Variants in CKAP5 observed in about 807,000 individuals in gnomAD.
CKAP5 encodes cytoskeleton associated protein 5.
In CKAP5, 27 loss-of-function variants were observed where a neutral mutation model predicts 232.8. That is an observed-to-expected ratio of 0.12 (90% confidence interval 0.09 to 0.16). The LOEUF is 0.16. CKAP5 is among the 10% of genes least tolerant of loss of function. The pLI, the probability that CKAP5 is intolerant of heterozygous loss-of-function variation, is 1.00. For synonymous variants in CKAP5, 785 were observed against 841.1 expected (o/e 0.93, Z 1.16); for missense variants, 1,838 against 2,424.7 (o/e 0.76, Z 5.08).
rs377474304 is a variant in CKAP5 at position 46,796,904 on chromosome 11, C to A, written c.1375G>T (p.Ala459Ser). 1.9e-6 allele frequency: 3 copies of A among 1,613,818 alleles called. No individual in the cohort carries two copies. The highest frequency in any genetic ancestry group is 2.7e-5 in the African/African-American group (2 of 74,898). ...AAAGCAGTACCCAATGCTTCAAATGCGGCATCTCTGACTTCAGGAGCAGAA... is the reference window on the plus strand; with the variant it reads ...AAAGCAGTACCCAATGCTTCAAATGAGGCATCTCTGACTTCAGGAGCAGAA... ...NDSAPEVRDA[A>S]FEALGTALKV... The change falls in exon 12 of 44, where the codon GCA becomes TCA. Residue 459 changes from alanine (A) to serine (S), a missense_variant. Ala to Ser is a moderately conservative substitution (Grantham distance 99). Transcript: ENST00000529230.
intron 26 of CKAP5, among the ~76,000 whole-genome samples, chr11:46,768,449 T>C (rs2065222508): frequency 6.6e-6 from 1 of 152,092 alleles, no homozygotes; most frequent in Non-Finnish European, 1.5e-5. Flanking sequence ...AGTGGTGGAA[T>C]TACAGGCGTG....
Position 46,807,938 on chromosome 11 carries a change from T to G in CKAP5, c.978+93A>C. On this transcript the variant is annotated intron_variant, in intron 8 of 43. Transcript: ENST00000529230. ...AATACCATCAGTAATGTTCCTTAAG[T>G]GGCAATGTATGTGTAATTAAAAAGA... 11 of 790,752 alleles carry G rather than the reference T, an allele frequency of 1.4e-5. No individual in the cohort carries two copies. The South Asian group carries it at 2.0e-4, about 14-fold the overall frequency. 49.0% of individuals were successfully genotyped at this position (790,752 alleles called of 1,614,324 possible).
At chr11:46,822,508 G>T (rs183403973) in intron 1 of CKAP5, among the ~76,000 whole-genome samples, 4 of 151,958 alleles carry the variant, frequency 2.6e-5, no homozygotes, top group African/African-American at 9.7e-5. Context: ...AATCCCAGCA[G>T]TCTGGGAGGC....
At chr11:46,805,924 C>T (rs534950791) in intron 8 of CKAP5, among the ~76,000 whole-genome samples, 14 of 152,152 alleles carry the variant, frequency 9.2e-5, no homozygotes, top group South Asian at 6.2e-4. Context: ...GCAACAATAA[C>T]GAAACTCCAT....
chr11:46,814,355 A>C (rs1939350805), intron 4 of CKAP5, among the ~76,000 whole-genome samples: 1 of 152,180 alleles, frequency 6.6e-6, no homozygotes, highest in African/African-American at 2.4e-5. Flanking sequence ...GTAAGAATCT[A>C]AGCAAGTCAA....
At chr11:46,790,346 G>T in intron 14 of CKAP5, 124 bp downstream of exon 14, 1 of 841,646 alleles carries the variant, frequency 1.2e-6, no homozygotes, top group Non-Finnish European at 1.9e-6. Context: ...GTCCAAGGCA[G>T]TTTCAATAAG....
chr11:46,774,528 C>T (rs931787943), intron 24 of CKAP5, among the ~76,000 whole-genome samples: 3 of 152,104 alleles, frequency 2.0e-5, no homozygotes, highest in Non-Finnish European at 4.4e-5. Context: ...CCTGTATAGC[C>T]AAGACAATCC....
intron 3 of CKAP5, 52 bp downstream of exon 3, chr11:46,818,258 T>C (rs1052730303): frequency 3.6e-6 from 5 of 1,392,916 alleles, no homozygotes; most frequent in South Asian, 2.9e-5. Context: ...ACATACATTA[T>C]GTAACACCAA....
chr11:46,752,778 A>C, intron 37 of CKAP5, 68 bp from the exon 38 acceptor site: 1 of 1,220,938 alleles, frequency 8.2e-7, no homozygotes, highest in South Asian at 1.2e-5. Context: ...TCAGCAGTTG[A>C]AAGGGCAAGT....
chr11:46,803,765 A>G (rs939564537), intron 8 of CKAP5, among the ~76,000 whole-genome samples: 1 of 152,170 alleles, frequency 6.6e-6, no homozygotes, highest in Non-Finnish European at 1.5e-5. Context: ...CCTAATAAAC[A>G]TTTTGTTAAA....
intron 28 of CKAP5, 79 bp from the exon 29 acceptor site, chr11:46,763,709 C>A: frequency 1.1e-6 from 1 of 885,634 alleles, no homozygotes; most frequent in Non-Finnish European, 1.6e-6. Context: ...AATGCAGCTG[C>A]AGGAACAATA....
intron 12 of CKAP5, 89 bp from the exon 13 acceptor site, chr11:46,795,865 T>C: frequency 8.6e-7 from 1 of 1,161,872 alleles, no homozygotes; most frequent in Admixed American, 2.0e-5. Flanking sequence ...CAACTACACA[T>C]AAGAATTCAG....
chr11:46,771,907 C>T (rs1201064404), intron 24 of CKAP5, among the ~76,000 whole-genome samples: 2 of 152,150 alleles, frequency 1.3e-5, no homozygotes, highest in Non-Finnish European at 2.9e-5. Flanking sequence ...CAATGCATGA[C>T]TGTTTAGGTT....
In CKAP5 at chr11:46,765,119, A is replaced by G. The variant is rs550105359; in HGVS notation, c.3537+12T>C. ...AGCAAAAATCTCCTGACGATTCTTA[A>G]TCCTTCCTTACCTTCAATCCTTTTT... On this transcript the variant is annotated intron_variant, in intron 28 of 43. Transcript: ENST00000529230. 1 of 1,606,568 alleles carries G rather than the reference A, an allele frequency of 6.2e-7. No individual in the cohort carries two copies. The highest frequency in any genetic ancestry group is 2.3e-5 in the East Asian group (1 of 44,392).
At chr11:46,790,265 A>C in intron 14 of CKAP5, 79 bp from the exon 15 acceptor site, 4 of 958,254 alleles carry the variant, frequency 4.2e-6, no homozygotes, top group Non-Finnish European at 6.4e-6. Context: ...ACTCCAGCCA[A>C]AACTAAAAGA....
rs776967563 is a variant in CKAP5 at position 46,818,402 on chromosome 11, G to C, written c.159C>G (p.Ile53Met). Residue 53 changes from isoleucine (I) to methionine (M), a missense_variant, in exon 3 of 44, where the codon ATC (isoleucine) becomes ATG (methionine). Around this residue, in one of 6 missense-constraint regions of CKAP5, gnomAD observed 285 missense variants for 300.0 expected, o/e 0.95. Transcript: ENST00000529230. ...CATTGGAATCAGTGACAAATTTTTT[G>C]ATCAATCCTAAAAATTTGGACCACT... ...SPEWSKFLGL[I>M]KKFVTDSNAV... is the part of the protein sequence containing the mutation. 1 of 1,611,256 alleles carries C rather than the reference G, an allele frequency of 6.2e-7. No homozygotes were observed. Among genetic ancestry groups the C allele is most frequent in the Non-Finnish European group, 8.5e-7 (1 of 1,178,938 alleles).
intron 33 of CKAP5, 49 bp from the exon 34 acceptor site, chr11:46,759,491 A>G: frequency 6.4e-7 from 1 of 1,558,564 alleles, no homozygotes; most frequent in East Asian, 2.2e-5. Flanking sequence ...CTTCTTAACC[A>G]AAGGGCAAGA....
Position 46,809,853 on chromosome 11 carries a change from ATTC to A in CKAP5, c.649_651del (p.Glu217del). The A allele has an allele frequency of 6.2e-7, 1 of 1,609,922 alleles. No individual in the cohort carries two copies. Among genetic ancestry groups the A allele is most frequent in the Non-Finnish European group, 8.5e-7 (1 of 1,179,006 alleles). ...GGAGCACTTGTTGGCAGTTTGACCC[ATTC>A]TTCTTCTAGTTCTTTCAACTGCAAA... On this transcript the variant is annotated inframe_deletion, in exon 6 of 44. Transcript: ENST00000529230.
At chr11:46,843,324 A>G (rs1299620818) in intron 1 of CKAP5, among the ~76,000 whole-genome samples, 1 of 152,122 alleles carries the variant, frequency 6.6e-6, no homozygotes, top group Non-Finnish European at 1.5e-5. Flanking sequence ...GTATATAAGT[A>G]GGTAAAATGG....
Sources: gnomAD v4.1 joint callset for allele counts (sites outside exome capture counted in the v4.1 genomes callset) on GRCh38, gnomAD v4.1.1 for gene constraint, gnomAD v4.1.1 regional missense constraint, MANE v1.5 for transcripts, NCBI Gene and HGNC (gene_info 2026-07-23, HGNC 2026-07-21) for gene names.